MAD1L1: variants seen among roughly 807,000 people sequenced by gnomAD.
The protein encoded by MAD1L1 is mitotic arrest deficient 1 like 1, also known as mitotic spindle assembly checkpoint protein MAD1.
MAD1L1 carries 95 observed loss-of-function variants against 96.9 expected under a neutral mutation model. The observed-to-expected ratio is 0.98, with a 90% CI of 0.83 to 1.16. MAD1L1 has a LOEUF of 1.16. MAD1L1 is among the 50% of genes most tolerant of loss of function. The pLI is 0.00. For missense variants in MAD1L1, 1,007 were observed against 954.4 expected, an observed-to-expected ratio of 1.06 and a Z score of -0.73; for synonymous variants, 473 against 396.6, an observed-to-expected ratio of 1.19 and a Z score of -2.29.
At chr7:1,916,910 C>T (rs989244230) in intron 17 of MAD1L1, among the ~76,000 whole-genome samples, 5 of 152,140 alleles carry the variant, frequency 3.3e-5, no homozygotes, top group East Asian at 1.9e-4. Context: ...CATTCACCTA[C>T]GAGGCACGAC....
At chr7:2,092,225 A>G (rs1330385969) in intron 11 of MAD1L1, among the ~76,000 whole-genome samples, 1 of 152,074 alleles carries the variant, frequency 6.6e-6, no homozygotes, top group Non-Finnish European at 1.5e-5. Context: ...CTAATTTGCA[A>G]TCCCCCAAAG....
rs539424817 is a variant in MAD1L1 at position 1,971,205 on chromosome 7, A to T, written c.1505+9248T>A. Among the ~76,000 whole-genome samples the T allele has an allele frequency of 4.3e-3, 648 of 152,290 alleles. 6 individuals are homozygous for T. The highest frequency in any genetic ancestry group is 0.015 in the African/African-American group (617 of 41,564). ...GGCCCACAGTGAGCCCCGCACAAAC[A>T]TCACTTGCCTCTCACTGCAATCATG... is the stretch of plus-strand genomic sequence containing the variant. On this transcript the variant is annotated intron_variant, in intron 15 of 18. Coordinates refer to ENST00000265854, the MANE Select transcript of MAD1L1 (RefSeq NM_001013836.2).
At chr7:2,019,497 T>A (rs1293310394) in intron 12 of MAD1L1, among the ~76,000 whole-genome samples, 4 of 152,224 alleles carry the variant, frequency 2.6e-5, no homozygotes, top group Non-Finnish European at 5.9e-5. Context: ...CCCACCCTCC[T>A]TGTGCAAAAC....
chr7:2,213,363 C>G, intron 9 of MAD1L1, 90 bp from the exon 10 acceptor site: 1 of 1,237,328 alleles, frequency 8.1e-7, no homozygotes, highest in Non-Finnish European at 1.2e-6. Flanking sequence ...TGCTAAGTCC[C>G]TGACCTCTCA....
At chr7:1,937,693 C>T (rs1427833232) in intron 16 of MAD1L1, among the ~76,000 whole-genome samples, 1 of 131,756 alleles carries the variant, frequency 7.6e-6, no homozygotes, top group African/African-American at 2.9e-5. Context: ...AAACATCAGC[C>T]GCCCACAGCA....
chr7:2,070,472 C>T (rs1038797411), intron 11 of MAD1L1, among the ~76,000 whole-genome samples: 1 of 152,080 alleles, frequency 6.6e-6, no homozygotes, highest in Non-Finnish European at 1.5e-5. Context: ...AGTCAGGACT[C>T]CACAGTGAGG....
intron 12 of MAD1L1, among the ~76,000 whole-genome samples, chr7:2,049,343 C>T (rs547218948): frequency 6.6e-6 from 1 of 152,338 alleles, no homozygotes; most frequent in African/African-American, 2.4e-5. Flanking sequence ...CCCGGTGCCC[C>T]GCCCAGGGTC....
At chr7:1,945,054 C>T (rs549603758) in intron 16 of MAD1L1, among the ~76,000 whole-genome samples, 277 of 152,310 alleles carry the variant, frequency 1.8e-3, no homozygotes, top group Non-Finnish European at 2.8e-3. Flanking sequence ...CAGTGGACAC[C>T]GAGACCCTCC....
At chr7:1,897,431 G>A (rs1166410176) in intron 18 of MAD1L1, among the ~76,000 whole-genome samples, 2 of 152,174 alleles carry the variant, frequency 1.3e-5, no homozygotes, top group Non-Finnish European at 2.9e-5. Flanking sequence ...GGGCCACGAG[G>A]TCATGCCGGG....
Position 2,229,800 on chromosome 7 carries a change from G to T in MAD1L1, c.150+184C>A, listed in dbSNP as rs561789748. Among the ~76,000 whole-genome samples the T allele has an allele frequency of 2.6e-5, 4 of 152,380 alleles. No homozygotes were observed. In the East Asian group the frequency reaches 5.8e-4, roughly 22 times the overall value. On this transcript the variant is annotated intron_variant, in intron 3 of 18. Coordinates refer to ENST00000265854, the MANE Select transcript of MAD1L1 (RefSeq NM_001013836.2). ...GGCCTTTAAGCCAGGATGGCTCAGG[G>T]CCCCAACTAGCCTCCAGCTACGACC...
chr7:1,957,024 G>A (rs968607209), intron 16 of MAD1L1, among the ~76,000 whole-genome samples: 2 of 152,230 alleles, frequency 1.3e-5, no homozygotes, highest in Admixed American at 1.3e-4. Context: ...AGAGCCTCTG[G>A]TGGGCGGGCA....
At chr7:2,156,331 C>G (rs552064194) in intron 10 of MAD1L1, among the ~76,000 whole-genome samples, 5 of 152,326 alleles carry the variant, frequency 3.3e-5, no homozygotes, top group African/African-American at 1.2e-4. Context: ...TTTCACGGTG[C>G]GTGGCGTCAT....
chr7:1,964,976 G>T, intron 15 of MAD1L1, among the ~76,000 whole-genome samples: 1 of 152,162 alleles, frequency 6.6e-6, no homozygotes, highest in East Asian at 1.9e-4. Context: ...AGCCTCCCAC[G>T]GGTCCCAGAC....
intron 10 of MAD1L1, among the ~76,000 whole-genome samples, chr7:2,210,682 A>T (rs989455105): frequency 6.6e-6 from 1 of 152,206 alleles, no homozygotes; most frequent in Non-Finnish European, 1.5e-5. Context: ...CCTGTGGAGC[A>T]CAACACAAGG....
chr7:1,884,469 A>G (rs1298555008), intron 18 of MAD1L1, among the ~76,000 whole-genome samples: 1 of 152,342 alleles, frequency 6.6e-6, no homozygotes. Context: ...ACGTTGGGTC[A>G]GGGGCCTAGC....
chr7:1,819,073 C>T (rs1781986407), intron 18 of MAD1L1, among the ~76,000 whole-genome samples: 1 of 152,136 alleles, frequency 6.6e-6, no homozygotes, highest in Admixed American at 6.6e-5. Flanking sequence ...TTAGCAGGAC[C>T]TGCTGAATGA....
chr7:2,047,818 CAG>C (rs374742969), intron 12 of MAD1L1, among the ~76,000 whole-genome samples: 48 of 152,290 alleles, frequency 3.2e-4, no homozygotes, highest in Admixed American at 1.6e-3. Context: ...CTCACATATG[CAG>C]AGAGCTGACT....
chr7:1,882,094 C>T (rs117504009), intron 18 of MAD1L1, among the ~76,000 whole-genome samples: 4,936 of 152,252 alleles, frequency 0.032, 114 homozygotes, highest in Non-Finnish European at 0.052. Context: ...CATGCACATC[C>T]ACCAGGAAGG....
intron 18 of MAD1L1, among the ~76,000 whole-genome samples, chr7:1,831,666 C>A (rs554006289): frequency 6.6e-6 from 1 of 152,170 alleles, no homozygotes; most frequent in African/African-American, 2.4e-5. Flanking sequence ...GCTATTCCAA[C>A]GAACACATGA....
Sources: allele counts gnomAD v4.1 joint callset (sites outside exome capture counted in the v4.1 genomes callset), GRCh38; gene constraint gnomAD v4.1.1; transcripts MANE v1.5; gene names NCBI Gene and HGNC (gene_info 2026-07-23, HGNC 2026-07-21).